The following LAMB4 variants were observed in gnomAD, a reference collection of about 807,000 sequenced individuals.
LAMB4 encodes the protein laminin subunit beta 4.
LAMB4 carries 196 observed loss-of-function variants against 199.2 expected under a neutral mutation model. The observed-to-expected ratio is 0.98, with a 90% CI of 0.88 to 1.11. The LOEUF (loss-of-function observed/expected upper bound fraction) is 1.11. Ranked by LOEUF, LAMB4 falls within the 50% of genes least tolerant of loss-of-function variation. LAMB4 has a pLI of 0.00. For missense variants in LAMB4, 2,080 were observed against 2,171.2 expected (o/e 0.96, Z 0.83); for synonymous variants, 744 against 770.6 (o/e 0.97, Z 0.57).
At chr7:108,105,495 A>C (rs903941437) in intron 8 of LAMB4, among the ~76,000 whole-genome samples, 5 of 152,204 alleles carry the variant, frequency 3.3e-5, no homozygotes, top group African/African-American at 4.8e-5. Flanking sequence ...CACCAACCCA[A>C]TATGATCCCT....
At chr7:108,061,002 C>T (rs2036141452) in intron 23 of LAMB4, among the ~76,000 whole-genome samples, 1 of 152,208 alleles carries the variant, frequency 6.6e-6, no homozygotes, top group South Asian at 2.1e-4. Context: ...CTGACATTAA[C>T]AGGGATAAGT....
chr7:108,039,052 T>C (rs1436574585), intron 29 of LAMB4, among the ~76,000 whole-genome samples: 3 of 152,294 alleles, frequency 2.0e-5, no homozygotes, highest in South Asian at 2.1e-4. Flanking sequence ...CAGGTTAAAC[T>C]TGTGGAGACT....
intron 21 of LAMB4, among the ~76,000 whole-genome samples, chr7:108,065,492 A>G (rs2036304257): frequency 6.6e-6 from 1 of 152,212 alleles, no homozygotes; most frequent in Non-Finnish European, 1.5e-5. Flanking sequence ...TAAATAAATT[A>G]ACTTGATTTG....
chr7:108,084,872 T>C (rs998713638), intron 14 of LAMB4, among the ~76,000 whole-genome samples: 1 of 143,134 alleles, frequency 7.0e-6, no homozygotes, highest in Admixed American at 7.5e-5. Flanking sequence ...GCCTACTGAG[T>C]AGTTGGGACC....
At chr7:108,033,070 C>A (rs2035097415) in intron 31 of LAMB4, among the ~76,000 whole-genome samples, 1 of 151,848 alleles carries the variant, frequency 6.6e-6, no homozygotes, top group Non-Finnish European at 1.5e-5. Flanking sequence ...ATTGGTTCAC[C>A]ATATTTTTAG....
intron 24 of LAMB4, among the ~76,000 whole-genome samples, chr7:108,057,531 T>C (rs2036021198): frequency 6.6e-6 from 1 of 152,188 alleles, no homozygotes; most frequent in South Asian, 2.1e-4. Flanking sequence ...TGATACCTGA[T>C]ATTTCTTTGG....
In LAMB4 at chr7:108,079,680, G is replaced by C. The variant is rs757210762; in HGVS notation, c.1808C>G (p.Pro603Arg). The C allele has an allele frequency of 1.9e-6, 3 of 1,613,236 alleles. No homozygotes were observed. Among genetic ancestry groups the C allele is most frequent in the Non-Finnish European group, 1.7e-6 (2 of 1,179,698 alleles). The change falls in exon 15 of 34, where the codon CCT (proline) becomes CGT (arginine). Residue 603 changes from proline (P) to arginine (R), a missense_variant. By Grantham distance (103) the Pro-to-Arg change is moderately radical. Coordinates refer to ENST00000388781, the MANE Select transcript of LAMB4 (RefSeq NM_007356.3). ...GACAGCAAATCTCAAGCCAGCCCCA[G>C]GGAGAACCCTGGCAAATCCAGGTCC... Reference protein sequence around the residue: ...WTGPGFARVLPGAGLRFAVNN... With the variant: ...WTGPGFARVLRGAGLRFAVNN...
intron 10 of LAMB4, among the ~76,000 whole-genome samples, chr7:108,099,404 A>C (rs1336958448): frequency 6.6e-6 from 1 of 152,250 alleles, no homozygotes; most frequent in South Asian, 2.1e-4. Context: ...GGGTAGAACC[A>C]GGAGAGAGTA....
At position 108,069,284 on chromosome 7, in the gene LAMB4, G is replaced by A. The variant is rs547627585; in HGVS notation, c.2302+424C>T. Among the ~76,000 whole-genome samples the A allele has an allele frequency of 9.8e-5, 15 of 152,324 alleles. No individual in the cohort carries two copies. In the South Asian group the frequency reaches 2.1e-3, roughly 21 times the overall value. On this transcript the variant is annotated intron_variant, in intron 18 of 33. Transcript: ENST00000388781. Reference sequence around the variant, plus strand: ...CTGATAGTGCATGGGGCAGGCCCCCGCAGCAAAGAATTACCCAGCTCAAAA... The same window carrying A: ...CTGATAGTGCATGGGGCAGGCCCCCACAGCAAAGAATTACCCAGCTCAAAA...
intron 1 of LAMB4, among the ~76,000 whole-genome samples, chr7:108,129,968 T>C (rs920810038): frequency 6.6e-6 from 1 of 152,258 alleles, no homozygotes; most frequent in Admixed American, 6.5e-5. Flanking sequence ...ATAAGTTTTA[T>C]AACCATAACA....
intron 2 of LAMB4, among the ~76,000 whole-genome samples, chr7:108,120,711 A>G (rs1419052264): frequency 1.3e-5 from 2 of 152,252 alleles, no homozygotes; most frequent in African/African-American, 2.4e-5. Flanking sequence ...TTTAAGGACA[A>G]TATCAGGTAT....
intron 9 of LAMB4, among the ~76,000 whole-genome samples, 170 bp downstream of exon 9, chr7:108,104,329 C>T (rs1017180334): frequency 6.6e-6 from 1 of 152,096 alleles, no homozygotes; most frequent in Admixed American, 6.6e-5. Context: ...GAGAAGTTGG[C>T]GATTCTTCTA....
rs770399713 is a variant in LAMB4 at position 108,079,626 on chromosome 7, G to A, written c.1862C>T (p.Thr621Ile). ...CTGGGTTTCATAGTGAATGGCAATG[G>A]TGAAGTCCACAGGAAAGGGAATGTT... ...VNNIPFPVDF[T>I]IAIHYETQSA... Residue 621 changes from threonine to isoleucine, a missense_variant, in exon 15 of 34, where the codon ACC becomes ATC. By Grantham distance (89) the Thr-to-Ile change is moderately conservative. Transcript: ENST00000388781. The A allele has an allele frequency of 1.7e-5, 27 of 1,609,608 alleles. No individual in the cohort carries two copies. The highest frequency in any genetic ancestry group is 1.6e-4 in the South Asian group (14 of 89,770).
At chr7:108,079,325 T>G (rs568118850) in intron 15 of LAMB4, among the ~76,000 whole-genome samples, 1 of 152,294 alleles carries the variant, frequency 6.6e-6, no homozygotes, top group South Asian at 2.1e-4. Flanking sequence ...TTTTGGTTAT[T>G]TTTCTTATAC....
chr7:108,092,472 G>C (rs954584014), intron 12 of LAMB4, 56 bp from the exon 13 acceptor site: 2 of 1,309,106 alleles, frequency 1.5e-6, no homozygotes, highest in Admixed American at 1.7e-5. Flanking sequence ...TTGCTCTGAA[G>C]TGCAACACTG....
intron 23 of LAMB4, among the ~76,000 whole-genome samples, chr7:108,059,274 T>A (rs1000301646): frequency 1.3e-5 from 2 of 151,604 alleles, no homozygotes; most frequent in African/African-American, 4.8e-5. Context: ...CCTGGCTAAT[T>A]TTTTTGTATT....
intron 14 of LAMB4, among the ~76,000 whole-genome samples, chr7:108,084,116 T>A (rs2037069629): frequency 1.3e-5 from 2 of 152,206 alleles, no homozygotes; most frequent in Admixed American, 6.5e-5. Flanking sequence ...GATGAGAGTG[T>A]GAGTCATCTC....
Position 108,091,728 on chromosome 7 carries a change from G to A in LAMB4, c.1599C>T (p.Gly533=). ...GQCECRPHVT[G]RSCSEPAPGY... ...CAGGGGCTGGTTCAGAGCAGCTACG[G>A]CCAGTGACATGTGGGCGGCATTCAC... Residue 533 remains glycine (G), a synonymous_variant, in exon 14 of 34, where the codon GGC becomes GGT. Transcript: ENST00000388781. 6.2e-7 allele frequency: 1 copy of A among 1,614,182 alleles called. No individual in the cohort carries two copies. The highest frequency in any genetic ancestry group is 8.5e-7 in the Non-Finnish European group (1 of 1,180,028).
At chr7:108,065,151 T>C (rs886602751) in intron 21 of LAMB4, among the ~76,000 whole-genome samples, 1 of 152,134 alleles carries the variant, frequency 6.6e-6, no homozygotes, top group Non-Finnish European at 1.5e-5. Context: ...CAAGTAATCC[T>C]CCCTCACCCA....
Sources: allele counts gnomAD v4.1 joint callset (sites outside exome capture counted in the v4.1 genomes callset), GRCh38; gene constraint gnomAD v4.1.1; transcripts MANE v1.5; gene names NCBI Gene and HGNC (gene_info 2026-07-23, HGNC 2026-07-21).